The following PLOD2 variants were observed in gnomAD, a reference collection of about 807,000 sequenced individuals.
PLOD2 encodes procollagen-lysine,2-oxoglutarate 5-dioxygenase 2.
A neutral mutation model predicts 101.0 loss-of-function variants in PLOD2; 65 were observed. The observed-to-expected ratio is 0.64, with a 90% CI of 0.53 to 0.79. The LOEUF is 0.79. Ranked by LOEUF, PLOD2 falls within the 30% of genes least tolerant of loss-of-function variation. The pLI is 0.00. For missense variants in PLOD2, 909 were observed against 914.6 expected (o/e 0.99, Z 0.08); for synonymous variants, 314 against 302.9 (o/e 1.04, Z -0.38).
chr3:146,085,378 C>A, intron 10 of PLOD2, 105 bp from the exon 11 acceptor site: 2 of 700,526 alleles, frequency 2.9e-6, no homozygotes, highest in Non-Finnish European at 5.2e-6. Context: ...GGTTCTCTAG[C>A]ATACTTTTCT....
Position 146,091,920 on chromosome 3 carries a change from G to A in PLOD2, c.778-19C>T, listed in dbSNP as rs776621416. The A allele has an allele frequency of 3.9e-6, 5 of 1,295,644 alleles. No individual in the cohort carries two copies. The highest frequency in any genetic ancestry group is 2.3e-5 in the East Asian group (1 of 43,256). 80.3% of individuals were successfully genotyped at this position (1,295,644 alleles called of 1,614,324 possible). On this transcript the variant is annotated intron_variant, in intron 7 of 19. Coordinates refer to ENST00000282903, the MANE Select transcript of PLOD2 (RefSeq NM_182943.3). ...GGAGAATCTTGTAAATGAAGGAAAA[G>A]GTTATTAATGAAAGCAGGCCTCTCA...
At chr3:146,100,752 G>A (rs374593426) in intron 7 of PLOD2, among the ~76,000 whole-genome samples, 1 of 152,116 alleles carries the variant, frequency 6.6e-6, no homozygotes. Context: ...AGTGAATGGG[G>A]TGGTAGATTG....
At chr3:146,090,040 T>G (rs912170331) in intron 8 of PLOD2, among the ~76,000 whole-genome samples, 1 of 151,418 alleles carries the variant, frequency 6.6e-6, no homozygotes, top group Non-Finnish European at 1.5e-5. Context: ...ATTATAACAG[T>G]TAACATTTAT....
chr3:146,118,296 T>C (rs965731258), intron 3 of PLOD2, among the ~76,000 whole-genome samples: 2 of 152,084 alleles, frequency 1.3e-5, no homozygotes, highest in Admixed American at 6.6e-5. Flanking sequence ...GCAAAATAGG[T>C]AACCACAAGC....
At chr3:146,088,752 T>C in intron 8 of PLOD2, 41 bp from the exon 9 acceptor site, 1 of 1,495,300 alleles carries the variant, frequency 6.7e-7, no homozygotes, top group Non-Finnish European at 9.3e-7. Flanking sequence ...TTATCATTAG[T>C]ATGGTTTTGT....
chr3:146,142,267 T>A (rs1305407483), intron 1 of PLOD2, among the ~76,000 whole-genome samples: 2 of 152,124 alleles, frequency 1.3e-5, no homozygotes, highest in African/African-American at 4.8e-5. Flanking sequence ...AAATAATGCC[T>A]AAATTAATAC....
chr3:146,077,887 G>C lies in PLOD2; in HGVS notation c.1538C>G (p.Thr513Arg), dbSNP rs1394827519. The C allele has an allele frequency of 6.2e-7, 1 of 1,600,280 alleles. No individual in the cohort carries two copies. The change falls in exon 14 of 20, where the codon ACA (threonine) becomes AGA (arginine). Residue 513 changes from threonine (T) to arginine (R), a missense_variant. Thr to Arg is a moderately conservative substitution (Grantham distance 71). Coordinates refer to ENST00000282903, the MANE Select transcript of PLOD2 (RefSeq NM_182943.3). ...CTTTGGGGGGCTGAGCATTTGGAAT[G>C]TTTCCGGAGTAGGGGAGTCTTTTTC... is the stretch of plus-strand genomic sequence containing the variant. The part of the protein sequence containing the change: ...QREKDSPTPE[T>R]FQMLSPPKGV...
rs140321317 is a variant in PLOD2, at chr3:146,110,364, A to G, written c.423T>C (p.Asp141=). 1.2e-6 allele frequency: 2 copies of G among 1,613,798 alleles called. No individual in the cohort carries two copies. Among genetic ancestry groups the G allele is most frequent in the East Asian group, 2.2e-5 (1 of 44,844 alleles). ...GTCTTTTATCTGGCCACAAAATTCC[A>G]TCTGCTGCAAAGACCACTTTGTGGT... The part of the protein sequence containing the change: ...KANHKVVFAA[D]GILWPDKRLA... The change falls in exon 4 of 20, where the codon GAT becomes GAC. Residue 141 remains aspartate, a synonymous_variant. Coordinates refer to ENST00000282903, the MANE Select transcript of PLOD2 (RefSeq NM_182943.3).
chr3:146,157,182 CA>C (rs2032339698), intron 1 of PLOD2, among the ~76,000 whole-genome samples: 1 of 152,022 alleles, frequency 6.6e-6, no homozygotes, highest in African/African-American at 2.4e-5. Flanking sequence ...CGCTACTTTT[CA>C]TAATTCTCAG....
intron 17 of PLOD2, among the ~76,000 whole-genome samples, chr3:146,072,325 A>G (rs1936173653): frequency 6.6e-6 from 1 of 151,728 alleles, no homozygotes; most frequent in South Asian, 2.1e-4. Context: ...CTTAGGGAAC[A>G]TCCAGTGTAA....
chr3:146,074,524 T>C (rs2107997255), intron 15 of PLOD2, among the ~76,000 whole-genome samples: 1 of 151,600 alleles, frequency 6.6e-6, no homozygotes, highest in South Asian at 2.1e-4. Context: ...AAAATTTTAA[T>C]AAATTTCATG....
At chr3:146,151,762 G>A (rs2108142056) in intron 1 of PLOD2, among the ~76,000 whole-genome samples, 1 of 151,308 alleles carries the variant, frequency 6.6e-6, no homozygotes, top group African/African-American at 2.4e-5. Flanking sequence ...AACAGGAACT[G>A]AGCCTTGTGT....
chr3:146,135,803 C>T (rs1312836425), intron 1 of PLOD2, among the ~76,000 whole-genome samples: 1 of 151,774 alleles, frequency 6.6e-6, no homozygotes, highest in African/African-American at 2.4e-5. Context: ...AAATAGAGTA[C>T]AGACATATAA....
At position 146,071,261 on chromosome 3, in the gene PLOD2, G is replaced by T. The variant is rs1480374960; in HGVS notation, c.1995+16C>A. 4.3e-6 allele frequency: 7 copies of T among 1,611,570 alleles called. No individual in the cohort carries two copies. Among genetic ancestry groups the T allele is most frequent in the Non-Finnish European group, 5.9e-6 (7 of 1,178,424 alleles). ...AATGGGTAAGAAATAGGCTGGAGGG[G>T]TGAGAGGATAACTACCTTCGTATAA... On this transcript the variant is annotated intron_variant, in intron 18 of 19. Transcript: ENST00000282903.
intron 1 of PLOD2, among the ~76,000 whole-genome samples, chr3:146,134,681 G>A (rs1233346241): frequency 2.6e-5 from 4 of 152,200 alleles, no homozygotes; most frequent in African/African-American, 9.7e-5. Context: ...TATATGAAAA[G>A]GGGATCAATA....
chr3:146,121,072 T>G (rs747867210), intron 3 of PLOD2, 40 bp downstream of exon 3: 1 of 1,425,966 alleles, frequency 7.0e-7, no homozygotes, highest in East Asian at 2.3e-5. Flanking sequence ...TAAAAAGTAA[T>G]TGAATATAGA....
intron 17 of PLOD2, 82 bp from the exon 18 acceptor site, chr3:146,071,505 G>C (rs1204863766): frequency 8.1e-7 from 1 of 1,240,084 alleles, no homozygotes; most frequent in Non-Finnish European, 1.2e-6. Context: ...TTCAACCACA[G>C]ATCATAATAG....
At chr3:146,118,757 G>A (rs1938039134) in intron 3 of PLOD2, among the ~76,000 whole-genome samples, 1 of 152,102 alleles carries the variant, frequency 6.6e-6, no homozygotes, top group Non-Finnish European at 1.5e-5. Context: ...ACATTAAAAA[G>A]GTTCTTCTTT....
intron 3 of PLOD2, among the ~76,000 whole-genome samples, chr3:146,116,084 T>C (rs1427809763): frequency 6.6e-6 from 1 of 152,154 alleles, no homozygotes; most frequent in Non-Finnish European, 1.5e-5. Flanking sequence ...ATTATAATCA[T>C]CCAAACTATT....
Sources: gnomAD v4.1 joint callset for allele counts (sites outside exome capture counted in the v4.1 genomes callset) on GRCh38, gnomAD v4.1.1 for gene constraint, MANE v1.5 for transcripts, NCBI Gene and HGNC (gene_info 2026-07-23, HGNC 2026-07-21) for gene names.